DST: variants seen among roughly 807,000 people sequenced by gnomAD.
The protein encoded by DST is dystonin, also known as bullous pemphigoid antigen.
A neutral mutation model predicts 875.2 loss-of-function variants in DST; 253 were observed. The observed-to-expected ratio is 0.29, with a 90% CI of 0.26 to 0.32. The LOEUF is 0.32. Among genes scored for constraint, DST ranks in the 10% least tolerant of loss-of-function variants. DST has a pLI of 1.00. For missense variants in DST, 8,287 were observed against 9,111.6 expected (o/e 0.91, Z 3.68); for synonymous variants, 3,124 against 3,197.1 (o/e 0.98, Z 0.77).
In DST at chr6:56,581,051, TAAA is replaced by T. The variant is rs771314105; in HGVS notation, c.12904-2117_12904-2115del. ...CTCCCAGCCAATTAGTGGCATTTAT[TAAA>T]AAAAAAAAAAAAAAAAAAAAAAGTG... is the stretch of plus-strand genomic sequence containing the variant. On this transcript the variant is annotated intron_variant, in intron 49 of 103. Coordinates refer to ENST00000680361, the MANE Select transcript of DST (RefSeq NM_001374736.1). Among the ~76,000 whole-genome samples, 270 of 90,696 alleles carry T rather than the reference TAAA, an allele frequency of 3.0e-3. 1 individual carries two copies. The highest frequency in any genetic ancestry group is 8.0e-3 in the African/African-American group (164 of 20,384). The allele number at this position is 90,696 out of a possible 152,430, so 59.5% of individuals were successfully genotyped here. A position where few individuals can be genotyped will look rare whatever the true frequency, so the allele number is the denominator to read the frequency against.
chr6:56,510,587 C>T (rs1298051588), intron 73 of DST, among the ~76,000 whole-genome samples: 2 of 152,072 alleles, frequency 1.3e-5, no homozygotes, highest in East Asian at 3.9e-4. Context: ...AAAACTTGTT[C>T]ATTCACATCT....
intron 55 of DST, among the ~76,000 whole-genome samples, chr6:56,565,760 C>A (rs142430529): frequency 6.6e-6 from 1 of 152,188 alleles, no homozygotes; most frequent in Non-Finnish European, 1.5e-5. Context: ...TCAGAGCCAG[C>A]AGGCAGGGAT....
In DST at chr6:56,645,955, A is replaced by G; in HGVS notation, c.1689T>C (p.Gly563=). The G allele has an allele frequency of 1.9e-6, 3 of 1,613,800 alleles. No homozygotes were observed. The South Asian group carries it at 3.3e-5, about 18-fold the overall frequency. Residue 563 remains glycine (G), a synonymous_variant, in exon 15 of 104, where the codon GGT becomes GGC. Coordinates refer to ENST00000680361, the MANE Select transcript of DST (RefSeq NM_001374736.1). ...IEFGRIKLLQ[G]YHPNDIEKEW... ...CTTTTTCTATGTCATTTGGATGATA[A>G]CCTTGAAGGAGCTTGATGCGTCCAA... is the stretch of plus-strand genomic sequence containing the variant.
intron 4 of DST, among the ~76,000 whole-genome samples, chr6:56,840,748 G>A (rs920464995): frequency 6.6e-6 from 1 of 152,166 alleles, no homozygotes; most frequent in Non-Finnish European, 1.5e-5. Flanking sequence ...AAGGCTGTCT[G>A]AAGACTAGAC....
At chr6:56,696,073 A>G (rs2099262034) in intron 9 of DST, among the ~76,000 whole-genome samples, 1 of 152,246 alleles carries the variant, frequency 6.6e-6, no homozygotes, top group African/African-American at 2.4e-5. Context: ...ATTTATGAAT[A>G]TTGGTGATAA....
At chr6:56,784,635 T>C (rs77106702) in intron 4 of DST, among the ~76,000 whole-genome samples, 1 of 152,232 alleles carries the variant, frequency 6.6e-6, no homozygotes, top group East Asian at 1.9e-4. Flanking sequence ...TCTAAAGTTT[T>C]TTCAGAGTTT....
rs747041151 is a variant in DST, at chr6:56,529,742, T to G, written c.17301A>C (p.Lys5767Asn). The change falls in exon 66 of 104, where the codon AAA becomes AAC. Residue 5767 changes from lysine (K) to asparagine (N), a missense_variant. Lys to Asn is a moderately conservative substitution (Grantham distance 94). Coordinates refer to ENST00000680361, the MANE Select transcript of DST (RefSeq NM_001374736.1). ...CAATGCTAACAGCCTGGTGTAAATG[T>G]TTATTGTGATTGATGATGTCATCTT... The part of the protein sequence containing the change: ...ALEDDIINHN[K>N]HLHQAVSIGQ... 5 of 1,594,798 alleles carry G rather than the reference T, an allele frequency of 3.1e-6. No individual in the cohort carries two copies. The Admixed American group carries it at 7.0e-5, about 22-fold the overall frequency.
chr6:56,722,084 T>C (rs2099418878), intron 5 of DST, among the ~76,000 whole-genome samples: 1 of 151,908 alleles, frequency 6.6e-6, no homozygotes, highest in Non-Finnish European at 1.5e-5. Flanking sequence ...TATTTAAAAA[T>C]GTAAAACATA....
At chr6:56,784,545 G>C (rs552374801) in intron 4 of DST, among the ~76,000 whole-genome samples, 1 of 151,982 alleles carries the variant, frequency 6.6e-6, no homozygotes, top group Non-Finnish European at 1.5e-5. Flanking sequence ...CATTCTTCAC[G>C]TAGTTCTCGA....
chr6:56,540,458 TCTC>T, intron 61 of DST: 1 of 152,682 alleles, frequency 6.5e-6, no homozygotes, highest in East Asian at 1.9e-4. Flanking sequence ...AATGTTGCAT[TCTC>T]CTGAATCATA....
chr6:56,667,514 C>A (rs918654845), intron 10 of DST, among the ~76,000 whole-genome samples: 1 of 152,060 alleles, frequency 6.6e-6, no homozygotes, highest in Admixed American at 6.6e-5. Context: ...CACAGGACAA[C>A]GACAGAATTT....
chr6:56,620,292 TA>T, intron 36 of DST: 1 of 1,614,172 alleles, frequency 6.2e-7, no homozygotes, highest in Non-Finnish European at 8.5e-7. Flanking sequence ...GTTCGTCTGG[TA>T]AAGGTGTTTT....
intron 10 of DST, among the ~76,000 whole-genome samples, chr6:56,661,590 GT>G (rs111894650): frequency 0.05 from 7,209 of 145,494 alleles, 253 homozygotes; most frequent in South Asian, 0.11. Context: ...CACTCTAACA[GT>G]TTTTTTTTTT....
At chr6:56,839,096 C>G (rs781144325) in intron 4 of DST, among the ~76,000 whole-genome samples, 82 of 152,144 alleles carry the variant, frequency 5.4e-4, no homozygotes, top group Non-Finnish European at 8.1e-4. Flanking sequence ...TCCTAGTCTA[C>G]CTGCAGATAG....
chr6:56,496,626 T>C (rs1162029104), intron 82 of DST, among the ~76,000 whole-genome samples: 3 of 152,130 alleles, frequency 2.0e-5, no homozygotes, highest in African/African-American at 7.2e-5. Flanking sequence ...TAATTTACAC[T>C]GTGTTATATT....
chr6:56,706,854 A>C (rs1202856546), intron 5 of DST, among the ~76,000 whole-genome samples: 1 of 152,118 alleles, frequency 6.6e-6, no homozygotes, highest in African/African-American at 2.4e-5. Flanking sequence ...AACAAAAAAA[A>C]ATTAGCCGGG....
chr6:56,618,290 G>C (rs748919020), intron 36 of DST: 1 of 1,614,002 alleles, frequency 6.2e-7, no homozygotes, highest in East Asian at 2.2e-5. Flanking sequence ...TGGTTCTTGA[G>C]TCCATCTCAA....
At chr6:56,459,518 AT>A (rs1359273602) in intron 103 of DST, among the ~76,000 whole-genome samples, 5 of 152,222 alleles carry the variant, frequency 3.3e-5, no homozygotes, top group African/African-American at 1.2e-4. Flanking sequence ...TTAAAACAGG[AT>A]TCCATTTATT....
chr6:56,559,563 G>A (rs1418103067), intron 58 of DST, among the ~76,000 whole-genome samples: 1 of 152,062 alleles, frequency 6.6e-6, no homozygotes, highest in Non-Finnish European at 1.5e-5. Flanking sequence ...CACTTGATAT[G>A]TGCCAGGTAC....
Sources: allele counts gnomAD v4.1 joint callset (sites outside exome capture counted in the v4.1 genomes callset), GRCh38; gene constraint gnomAD v4.1.1; transcripts MANE v1.5; gene names NCBI Gene and HGNC (gene_info 2026-07-23, HGNC 2026-07-21).